IL1F10: variants seen among roughly 807,000 people sequenced by gnomAD.
IL1F10 encodes interleukin 1 family member 10.
In IL1F10, 13 loss-of-function variants were observed where a neutral mutation model predicts 13.1. The ratio of observed to expected loss-of-function variants is 0.99; its 90% CI spans 0.64 to 1.57. IL1F10 has a LOEUF of 1.57. Ranked by LOEUF, IL1F10 falls within the 40% of genes most tolerant of loss-of-function variation. The probability of loss-of-function intolerance (pLI) is 0.00; values close to 1 mark genes in which losing one functional copy is unlikely to be tolerated. For missense variants in IL1F10, 191 were observed against 184.1 expected (o/e 1.04, Z -0.22); for synonymous variants, 78 against 68.2 (o/e 1.14, Z -0.71).
At position 113,074,769 on chromosome 2, in the gene IL1F10, C is replaced by A. The variant is rs987062306; in HGVS notation, c.165C>A (p.Val55=). The change falls in exon 4 of 5, where the codon GTC becomes GTA. Residue 55 remains valine (V), a synonymous_variant. Coordinates refer to ENST00000341010, the MANE Select transcript of IL1F10 (RefSeq NM_173161.3). Reference sequence around the variant, plus strand: ...ACAGAGGCTTGGCCCGCACCAAGGTCCCCATTTTCCTGGGGATCCAGGGAG... The same window carrying A: ...ACAGAGGCTTGGCCCGCACCAAGGTACCCATTTTCCTGGGGATCCAGGGAG... ...LPNRGLARTK[V]PIFLGIQGGS... 3 of 1,613,772 alleles carry A rather than the reference C, an allele frequency of 1.9e-6. No individual in the cohort carries two copies. The African/African-American group carries it at 4.0e-5, about 22-fold the overall frequency.
At chr2:113,074,011 C>A (rs7608836) in intron 2 of IL1F10, among the ~76,000 whole-genome samples, 4,858 of 152,288 alleles carry the variant, frequency 0.032, 232 homozygotes, top group African/African-American at 0.11. Flanking sequence ...TAAGAAATTT[C>A]TCAGGAAGCC....
intron 2 of IL1F10, among the ~76,000 whole-genome samples, chr2:113,073,383 T>A (rs1685873305): frequency 6.6e-6 from 1 of 152,194 alleles, no homozygotes. Flanking sequence ...GACCCTGTAA[T>A]GTCCAGGGCT....
In IL1F10 at chr2:113,074,734, A is replaced by G. The variant is rs1685905379; in HGVS notation, c.130A>G (p.Ile44Val). The G allele has an allele frequency of 3.1e-6, 5 of 1,613,570 alleles. No individual in the cohort carries two copies. Among genetic ancestry groups the G allele is most frequent in the Non-Finnish European group, 4.2e-6 (5 of 1,179,516 alleles). ...ADNCCAEKICILPNRGLARTK... is the reference protein window; with the variant it reads ...ADNCCAEKICVLPNRGLARTK... ...CTCTTCCCTCCTAGAGAAGATCTGC[A>G]TACTTCCTAACAGAGGCTTGGCCCG... The change falls in exon 4 of 5, where the codon ATA becomes GTA. Residue 44 changes from isoleucine (I) to valine (V), a missense_variant. Physicochemically the swap from Ile to Val is conservative, Grantham distance 29. Transcript: ENST00000341010.
At chr2:113,071,363 A>G (rs1462486132) in intron 1 of IL1F10, among the ~76,000 whole-genome samples, 1 of 152,200 alleles carries the variant, frequency 6.6e-6, no homozygotes, top group Non-Finnish European at 1.5e-5. Flanking sequence ...ACTTCTTGCT[A>G]TTGTAAAAAA....
At chr2:113,068,237 A>C (rs1225321895) in intron 1 of IL1F10, among the ~76,000 whole-genome samples, 2 of 152,188 alleles carry the variant, frequency 1.3e-5, no homozygotes, top group Admixed American at 6.5e-5. Context: ...AGATTTCTGA[A>C]CTACTTAGAA....
chr2:113,074,267 AG>A, intron 2 of IL1F10, 61 bp from the exon 3 acceptor site: 1 of 1,049,950 alleles, frequency 9.5e-7, no homozygotes, highest in South Asian at 1.3e-5. Flanking sequence ...TGGAAGTGGA[AG>A]GGCTTGGGGG....
In IL1F10 at chr2:113,075,401, A is replaced by C. The variant is rs766529555; in HGVS notation, c.*37A>C. ...ACTGCGTTTTAGCCTTGTGCCCCCA[A>C]ACCAAGCTCATCCTGCTCAGGGTCT... is the stretch of plus-strand genomic sequence containing the variant. On this transcript the variant is annotated 3_prime_UTR_variant, in exon 5 of 5. Transcript: ENST00000341010. 4.7e-5 allele frequency: 68 copies of C among 1,459,244 alleles called. No homozygotes were observed. Among genetic ancestry groups the C allele is most frequent in the Non-Finnish European group, 6.1e-5 (65 of 1,073,846 alleles). The allele number at this position is 1,459,244 out of a possible 1,614,324, so 90.4% of individuals were successfully genotyped here. A position where few individuals can be genotyped will look rare whatever the true frequency, so the allele number is the denominator to read the frequency against.
intron 1 of IL1F10, among the ~76,000 whole-genome samples, chr2:113,069,756 A>C (rs1470227011): frequency 6.6e-6 from 1 of 152,220 alleles, no homozygotes; most frequent in Non-Finnish European, 1.5e-5. Context: ...ATATGATGTG[A>C]AATAGAAGTG....
At position 113,075,606 on chromosome 2, in the gene IL1F10, A is replaced by G; in HGVS notation, c.*242A>G. The G allele has an allele frequency of 3.0e-6, 1 of 330,504 alleles. No individual in the cohort carries two copies. Among genetic ancestry groups the G allele is most frequent in the Non-Finnish European group, 5.5e-6 (1 of 182,978 alleles). The allele number at this position is 330,504 out of a possible 1,614,324, so 20.5% of individuals were successfully genotyped here. A position where few individuals can be genotyped will look rare whatever the true frequency, so the allele number is the denominator to read the frequency against. ...AGTTTAATCACAAGAAGGAGGCAGG[A>G]AGGGAGAGTCAGAGAGAGAATGGAA... On this transcript the variant is annotated 3_prime_UTR_variant, in exon 5 of 5. Coordinates refer to ENST00000341010, the MANE Select transcript of IL1F10 (RefSeq NM_173161.3).
intron 1 of IL1F10, among the ~76,000 whole-genome samples, chr2:113,069,442 A>G (rs1276880280): frequency 6.6e-6 from 1 of 152,254 alleles, no homozygotes; most frequent in East Asian, 1.9e-4. Context: ...ACCTGTAGGG[A>G]CTTGATAAGT....
chr2:113,070,238 C>A (rs1174658899), intron 1 of IL1F10, among the ~76,000 whole-genome samples: 1 of 152,182 alleles, frequency 6.6e-6, no homozygotes, highest in African/African-American at 2.4e-5. Flanking sequence ...AGGTTCAGCA[C>A]CAAGACCCAG....
intron 2 of IL1F10, among the ~76,000 whole-genome samples, chr2:113,073,975 G>A (rs1026816156): frequency 1.3e-5 from 2 of 152,210 alleles, no homozygotes. Flanking sequence ...AAGGTCCACT[G>A]TATCCCAAAG....
At position 113,075,597 on chromosome 2, in the gene IL1F10, G is replaced by A; in HGVS notation, c.*233G>A. The A allele has an allele frequency of 2.9e-6, 1 of 345,090 alleles. No homozygotes were observed. Among genetic ancestry groups the A allele is most frequent in the East Asian group, 4.5e-5 (1 of 22,218 alleles). 21.4% of individuals were successfully genotyped at this position (345,090 alleles called of 1,614,324 possible). On this transcript the variant is annotated 3_prime_UTR_variant, in exon 5 of 5. Transcript: ENST00000341010. ...TGTGGGCTCAGTTTAATCACAAGAA[G>A]GAGGCAGGAAGGGAGAGTCAGAGAG...
At chr2:113,068,494 T>C (rs1167117967) in intron 1 of IL1F10, among the ~76,000 whole-genome samples, 1 of 152,204 alleles carries the variant, frequency 6.6e-6, no homozygotes, top group South Asian at 2.1e-4. Flanking sequence ...CTGCATAAAA[T>C]TTTATTGTGA....
chr2:113,074,477 C>G, intron 3 of IL1F10, 63 bp downstream of exon 3: 1 of 1,341,566 alleles, frequency 7.5e-7, no homozygotes, highest in Non-Finnish European at 1.1e-6. Context: ...CTCTTCTTCC[C>G]TTTCCTCCCC....
chr2:113,068,615 T>G (rs927766376), intron 1 of IL1F10, among the ~76,000 whole-genome samples: 3 of 152,222 alleles, frequency 2.0e-5, no homozygotes, highest in African/African-American at 7.2e-5. Context: ...GAGCTAGGTC[T>G]AGGACTCAGC....
chr2:113,069,388 T>G (rs545128283), intron 1 of IL1F10, among the ~76,000 whole-genome samples: 2 of 152,188 alleles, frequency 1.3e-5, no homozygotes, highest in Non-Finnish European at 2.9e-5. Context: ...ACAAGTACAG[T>G]AGTAATGGCA....
intron 1 of IL1F10, 142 bp from the exon 2 acceptor site, chr2:113,072,569 G>T: frequency 1.7e-6 from 1 of 589,916 alleles, no homozygotes; most frequent in Non-Finnish European, 3.0e-6. Context: ...TGGAAGCCTT[G>T]GTGGATTCTG....
chr2:113,068,064 A>ACT (rs1685773175), intron 1 of IL1F10, 48 bp downstream of exon 1: 1 of 151,128 alleles, frequency 6.6e-6, no homozygotes, highest in Non-Finnish European at 1.5e-5. Flanking sequence ...TTTCTTTTCT[A>ACT]CTCTCTCCTG....
Sources: gnomAD v4.1 joint callset for allele counts (sites outside exome capture counted in the v4.1 genomes callset) on GRCh38, gnomAD v4.1.1 for gene constraint, MANE v1.5 for transcripts, NCBI Gene and HGNC (gene_info 2026-07-23, HGNC 2026-07-21) for gene names.